Variants in SLC3A2 observed in about 807,000 individuals in gnomAD.
The protein encoded by SLC3A2 is amino acid transporter heavy chain SLC3A2.
Under a neutral mutation model 48.5 loss-of-function variants are expected in SLC3A2, and 32 were observed. The observed-to-expected ratio is 0.66, with a 90% CI of 0.50 to 0.89. The LOEUF (loss-of-function observed/expected upper bound fraction) is 0.89, where lower values mean the gene tolerates loss of function less well. Ranked by LOEUF, SLC3A2 falls within the 40% of genes least tolerant of loss-of-function variation. The pLI is 0.00. For missense variants in SLC3A2, 587 were observed against 680.7 expected, an observed-to-expected ratio of 0.86 and a Z score of 1.53; for synonymous variants, 277 against 288.8, an observed-to-expected ratio of 0.96 and a Z score of 0.41.
At chr11:62,871,892 C>T (rs1189862536) in intron 1 of SLC3A2, among the ~76,000 whole-genome samples, 1 of 151,748 alleles carries the variant, frequency 6.6e-6, no homozygotes, top group African/African-American at 2.4e-5. Flanking sequence ...TTCTTTATGA[C>T]ATCAAATCTT....
chr11:62,881,501 C>T lies in SLC3A2; in HGVS notation c.424+54C>T. ...ACCTCCGGTTGAATCTGGTGGCTTGCACCGACCCCCTCCCCTGTCCCCAGA... is the reference window on the plus strand; with the variant it reads ...ACCTCCGGTTGAATCTGGTGGCTTGTACCGACCCCCTCCCCTGTCCCCAGA... On this transcript the variant is annotated intron_variant, in intron 1 of 8. Transcript: ENST00000338663. The surrounding 1 kb of genome is among the most constrained non-coding windows in gnomAD (Gnocchi z 4.0). 6.6e-7 allele frequency: 1 copy of T among 1,504,422 alleles called. No individual in the cohort carries two copies. Among genetic ancestry groups the T allele is most frequent in the Non-Finnish European group, 8.8e-7 (1 of 1,131,166 alleles). The allele number at this position is 1,504,422 out of a possible 1,614,324, so 93.2% of individuals were successfully genotyped here. A position where few individuals can be genotyped will look rare whatever the true frequency, so the allele number is the denominator to read the frequency against.
chr11:62,869,149 T>C (rs1375010932), intron 1 of SLC3A2, among the ~76,000 whole-genome samples: 1 of 151,772 alleles, frequency 6.6e-6, no homozygotes, highest in African/African-American at 2.4e-5. Flanking sequence ...TCCACCCACC[T>C]TGGCCTCCCA....
chr11:62,871,637 C>T (rs2085518182), intron 1 of SLC3A2: 3 of 663,282 alleles, frequency 4.5e-6, no homozygotes, highest in South Asian at 3.2e-5. Context: ...AGTGATCCTC[C>T]TGCCTTAGCT....
intron 1 of SLC3A2, among the ~76,000 whole-genome samples, chr11:62,856,827 C>CTTTT (rs11337244): frequency 7.9e-6 from 1 of 126,040 alleles, no homozygotes; most frequent in Non-Finnish European, 1.7e-5. Context: ...TTTTTTCTTT[C>CTTTT]TTTTTTTTTT....
intron 3 of SLC3A2, chr11:62,883,287 T>C (rs562568738): frequency 2.7e-6 from 1 of 376,888 alleles, no homozygotes; most frequent in South Asian, 3.2e-5. Flanking sequence ...TTTCTTTCTT[T>C]TGGGAGAGGA....
At position 62,869,680 on chromosome 11, in the gene SLC3A2, T is replaced by C. The variant is rs375182517; in HGVS notation, c.113-11339T>C. Among the ~76,000 whole-genome samples the C allele has an allele frequency of 4.6e-5, 7 of 152,146 alleles. No homozygotes were observed. In the East Asian group the frequency reaches 1.2e-3, roughly 25 times the overall value. The stretch of plus-strand genomic sequence containing the variant: ...TTTCAGATAGTATGTCTTCTATTTG[T>C]GGCTTGTCTTTTCAGTTTGTTATGG... On this transcript the variant is annotated intron_variant, in intron 1 of 9. Coordinates refer to the SLC3A2 transcript ENST00000377889.
upstream of SLC3A2, chr11:62,880,732 G>A: frequency 2.4e-6 from 1 of 414,726 alleles, no homozygotes. Flanking sequence ...AGACAGGTTG[G>A]AGATGAGAAA....
At chr11:62,882,775 T>C in intron 2 of SLC3A2, 133 bp from the exon 3 acceptor site, 1 of 742,352 alleles carries the variant, frequency 1.3e-6, no homozygotes, top group Non-Finnish European at 2.3e-6. Flanking sequence ...GGAATGAATT[T>C]TGCCCGGGTT....
At chr11:62,861,292 T>A (rs2085395807) in intron 1 of SLC3A2, among the ~76,000 whole-genome samples, 1 of 151,956 alleles carries the variant, frequency 6.6e-6, no homozygotes, top group Non-Finnish European at 1.5e-5. Context: ...GCTTTAATTG[T>A]GCAACAAATA....
chr11:62,874,682 T>C (rs995589382), intron 1 of SLC3A2, among the ~76,000 whole-genome samples: 13 of 152,312 alleles, frequency 8.5e-5, no homozygotes, highest in African/African-American at 3.1e-4. Flanking sequence ...AGTGAACTGC[T>C]TTAGTTGGAG....
In SLC3A2 at chr11:62,882,024, A is replaced by G. The variant is rs1354333098; in HGVS notation, c.556A>G (p.Lys186Glu). ...GCAGATCGACCCCAATTTTGGCTCC[A>G]AGGAAGATTTTGACAGTCTCTTGCA... is the stretch of plus-strand genomic sequence containing the variant. ...LLQIDPNFGS[K>E]EDFDSLLQSA... Residue 186 changes from lysine to glutamate, a missense_variant, in exon 2 of 9, where the codon AAG becomes GAG. By Grantham distance (56) the Lys-to-Glu change is moderately conservative (BLOSUM62 1). Around this residue, in one of 3 missense-constraint regions of SLC3A2, gnomAD observed 409 missense variants for 446.7 expected, o/e 0.92. Coordinates refer to ENST00000338663, the MANE Select transcript of SLC3A2 (RefSeq NM_001013251.3). 6.2e-7 allele frequency: 1 copy of G among 1,614,098 alleles called. No individual in the cohort carries two copies. The highest frequency in any genetic ancestry group is 1.3e-5 in the African/African-American group (1 of 74,932).
intron 3 of SLC3A2, 50 bp downstream of exon 3, chr11:62,883,049 C>G (rs769706190): frequency 3.5e-5 from 54 of 1,547,838 alleles, no homozygotes; most frequent in Non-Finnish European, 4.6e-5. Flanking sequence ...GGGGCTGGGA[C>G]AGTCCTTTCA....
At chr11:62,886,151 G>A (rs2085710603) in intron 7 of SLC3A2, among the ~76,000 whole-genome samples, 1 of 152,140 alleles carries the variant, frequency 6.6e-6, no homozygotes, top group Non-Finnish European at 1.5e-5. Flanking sequence ...TTAGCCAGGT[G>A]TGGTGGTGCA....
intron 2 of SLC3A2, 73 bp from the exon 3 acceptor site, chr11:62,882,835 T>A: frequency 1.6e-6 from 2 of 1,250,298 alleles, no homozygotes; most frequent in Admixed American, 3.4e-5. Flanking sequence ...CTCAGTGACT[T>A]GCATTTGTGA....
chr11:62,887,814 A>G (rs1461869843), intron 7 of SLC3A2: 2 of 205,854 alleles, frequency 9.7e-6, no homozygotes, highest in Non-Finnish European at 2.0e-5. Context: ...TTTTTTTGAG[A>G]CAGGGTCTCA....
chr11:62,884,414 C>T (rs1255495317), intron 3 of SLC3A2, 43 bp from the exon 4 acceptor site: 2 of 1,610,056 alleles, frequency 1.2e-6, no homozygotes, highest in East Asian at 2.2e-5. Flanking sequence ...TGAGCCTTTT[C>T]CTGAGAACTG....
chr11:62,884,491 A>G lies in SLC3A2; in HGVS notation c.725A>G (p.Asp242Gly). ...ALEFWLQAGV[D>G]GFQVRDIENL... ...GAGTTTTGGCTGCAAGCTGGCGTGGATGGGTTCCAGGTTCGGGACATAGAG... is the reference window on the plus strand; with the variant it reads ...GAGTTTTGGCTGCAAGCTGGCGTGGGTGGGTTCCAGGTTCGGGACATAGAG... The change falls in exon 4 of 9, where the codon GAT becomes GGT. Residue 242 changes from aspartate to glycine, a missense_variant. Transcript: ENST00000338663. The G allele has an allele frequency of 6.2e-7, 1 of 1,614,156 alleles. No homozygotes were observed. Among genetic ancestry groups the G allele is most frequent in the Non-Finnish European group, 8.5e-7 (1 of 1,180,032 alleles).
intron 1 of SLC3A2, among the ~76,000 whole-genome samples, chr11:62,859,176 C>T (rs1236279351): frequency 6.6e-6 from 1 of 152,060 alleles, no homozygotes; most frequent in Non-Finnish European, 1.5e-5. Context: ...AGGCAGAGGT[C>T]CCTGCGGCCT....
At chr11:62,862,517 C>T (rs572970601) in intron 1 of SLC3A2, among the ~76,000 whole-genome samples, 28 of 151,912 alleles carry the variant, frequency 1.8e-4, no homozygotes, top group Non-Finnish European at 3.5e-4. Flanking sequence ...TCCTCCCTAT[C>T]GCCACCCCTC....
Sources: gnomAD v4.1 joint callset for allele counts (sites outside exome capture counted in the v4.1 genomes callset) on GRCh38, gnomAD v4.1.1 for gene constraint, gnomAD v4.1.1 regional missense constraint, Gnocchi (gnomAD v3.1) non-coding constraint, MANE v1.5 for transcripts, NCBI Gene and HGNC (gene_info 2026-07-23, HGNC 2026-07-21) for gene names.